CDKL3: variants seen among roughly 807,000 people sequenced by gnomAD.
CDKL3 encodes the protein cyclin dependent kinase like 3.
Under a neutral mutation model 69.3 loss-of-function variants are expected in CDKL3, and 65 were observed. That is an observed-to-expected ratio of 0.94 (90% CI 0.77 to 1.15). CDKL3 has a LOEUF of 1.15. CDKL3 is among the 50% of genes most tolerant of loss of function. The pLI, the probability that CDKL3 is intolerant of heterozygous loss-of-function variation, is 0.00. For synonymous variants in CDKL3, 202 were observed against 221.6 expected (o/e 0.91, Z 0.79); for missense variants, 652 against 689.2 (o/e 0.95, Z 0.61).
chr5:134,304,409 C>T lies in CDKL3; in HGVS notation c.1617G>A (p.Met539Ile). The change falls in exon 11 of 13, where the codon ATG (methionine) becomes ATA (isoleucine). Residue 539 changes from methionine (M) to isoleucine (I), a missense_variant. Coordinates refer to ENST00000265334, the MANE Select transcript of CDKL3 (RefSeq NM_001113575.2). The stretch of plus-strand genomic sequence containing the variant: ...AGCTATGCAACAAATGTGTACCTTC[C>T]ATTCCTTTTGTATCTTTTGACTGTA... Reference protein sequence around the residue: ...VTIQSKDTKGMEVKQIKMLKR... With the variant: ...VTIQSKDTKGIEVKQIKMLKR... The T allele has an allele frequency of 1.2e-6, 2 of 1,607,108 alleles. No individual in the cohort carries two copies.
chr5:134,299,447 C>A, intron 12 of CDKL3: 5 of 1,113,162 alleles, frequency 4.5e-6, no homozygotes, highest in Middle Eastern at 6.9e-4. Flanking sequence ...ATGTAAGCTG[C>A]AATTTTATTA....
downstream of CDKL3, among the ~76,000 whole-genome samples, chr5:134,283,879 C>T (rs1292493481): frequency 6.6e-6 from 1 of 152,120 alleles, no homozygotes; most frequent in African/African-American, 2.4e-5. Flanking sequence ...TAAATACAGC[C>T]ATTCTGAATG....
chr5:134,287,141 T>C (rs1764905407), intron 8 of CDKL3, among the ~76,000 whole-genome samples: 1 of 151,832 alleles, frequency 6.6e-6, no homozygotes. Context: ...TGATGACATG[T>C]GACAAAAAAG....
At chr5:134,351,046 A>T (rs1753180550) in intron 3 of CDKL3, among the ~76,000 whole-genome samples, 1 of 152,122 alleles carries the variant, frequency 6.6e-6, no homozygotes, top group Non-Finnish European at 1.5e-5. Context: ...ACATTGCATT[A>T]AACTTCTCTA....
At chr5:134,347,645 A>G (rs1023703955) in intron 4 of CDKL3, among the ~76,000 whole-genome samples, 2 of 149,640 alleles carry the variant, frequency 1.3e-5, no homozygotes, top group Non-Finnish European at 3.0e-5. Flanking sequence ...CGAGGCGAGC[A>G]GATCACTTGA....
intron 1 of CDKL3, 93 bp downstream of exon 1, chr5:134,366,884 G>T: frequency 1.0e-6 from 1 of 1,000,500 alleles, no homozygotes; most frequent in Non-Finnish European, 1.2e-6. Flanking sequence ...ATAGGTTCCC[G>T]CACTACTGCA....
chr5:134,350,831 G>GAAAAAAAAAAAAAGAAAAAAAA (rs1753091640), intron 3 of CDKL3, among the ~76,000 whole-genome samples: 1 of 82,404 alleles, frequency 1.2e-5, no homozygotes. Context: ...AGAAAAAAAA[G>GAAAAAAAAAAAAAGAAAAAAAA]AAAAAAAAAA....
rs555391118 is a variant in CDKL3, at chr5:134,305,522, G to T, written c.1459-955C>A. On this transcript the variant is annotated intron_variant, in intron 10 of 12. Transcript: ENST00000265334. ...TAACTTCTTTATCTACCTAGAAAAT[G>T]ATATGCTTTGTAAACACTGGGAAAA... Among the ~76,000 whole-genome samples, 8 of 152,238 alleles carry T rather than the reference G, an allele frequency of 5.3e-5. No individual in the cohort carries two copies. In the East Asian group the frequency reaches 1.5e-3, roughly 29 times the overall value.
At chr5:134,322,709 C>T (rs1773103754) in intron 4 of CDKL3, among the ~76,000 whole-genome samples, 3 of 152,112 alleles carry the variant, frequency 2.0e-5, no homozygotes, top group African/African-American at 7.2e-5. Flanking sequence ...TGGCTGGACA[C>T]TGTGGCTCAT....
chr5:134,303,676 C>CA (rs1200752694), intron 11 of CDKL3, among the ~76,000 whole-genome samples: 1 of 151,284 alleles, frequency 6.6e-6, no homozygotes, highest in Non-Finnish European at 1.5e-5. Flanking sequence ...GAACCCCCCC[C>CA]CCGTCTCTAC....
At chr5:134,343,202 C>CA (rs1260398112) in intron 4 of CDKL3, among the ~76,000 whole-genome samples, 1,509 of 81,260 alleles carry the variant, frequency 0.019, 18 homozygotes, top group African/African-American at 0.057. Context: ...GAGATCTTGT[C>CA]AAAAAAAAAA....
In CDKL3 at chr5:134,349,931, T is replaced by C. The variant is rs138067162; in HGVS notation, c.539+318A>G. On this transcript the variant is annotated intron_variant, in intron 4 of 12. Coordinates refer to ENST00000265334, the MANE Select transcript of CDKL3 (RefSeq NM_001113575.2). ...GGCTAGGCACACTGACTCACGCCTG[T>C]AATCCTAGCACTTTGGGAGGCCGAG... 1.1e-4 allele frequency among the ~76,000 whole-genome samples: 16 copies of C among 152,304 alleles called. No homozygotes were observed. In the East Asian group the frequency reaches 3.1e-3, roughly 29 times the overall value.
chr5:134,354,104 A>G (rs186179682), intron 3 of CDKL3, among the ~76,000 whole-genome samples: 2 of 152,304 alleles, frequency 1.3e-5, no homozygotes, highest in South Asian at 2.1e-4. Flanking sequence ...ATATGTTAGT[A>G]TTAGATGCTC....
At chr5:134,292,635 A>G (rs1239145108) in intron 8 of CDKL3, among the ~76,000 whole-genome samples, 1 of 152,026 alleles carries the variant, frequency 6.6e-6, no homozygotes, top group Non-Finnish European at 1.5e-5. Flanking sequence ...AAACAATAGA[A>G]ATAATAAAAC....
At chr5:134,318,252 AAAT>A in intron 6 of CDKL3, among the ~76,000 whole-genome samples, 1 of 151,666 alleles carries the variant, frequency 6.6e-6, no homozygotes, top group Non-Finnish European at 1.5e-5. Context: ...CAAAAATAAT[AAAT>A]AATAAATAAA....
intron 10 of CDKL3, 42 bp downstream of exon 10, chr5:134,306,567 G>A (rs775945416): frequency 8.8e-7 from 1 of 1,136,360 alleles, no homozygotes; most frequent in Non-Finnish European, 1.3e-6. Context: ...AAGAAGTAAT[G>A]TTAAAAGAGG....
chr5:134,312,058 A>G lies in CDKL3; in HGVS notation c.881+234T>C, dbSNP rs183207743. On this transcript the variant is annotated intron_variant, in intron 7 of 12. Coordinates refer to ENST00000265334, the MANE Select transcript of CDKL3 (RefSeq NM_001113575.2). Reference sequence around the variant, plus strand: ...CAATCTGCCTGCCTCAGCTTCGCAAAGTGCTGGGATTACAGGTGTGAGCCA... The same window carrying G: ...CAATCTGCCTGCCTCAGCTTCGCAAGGTGCTGGGATTACAGGTGTGAGCCA... 2.6e-5 allele frequency among the ~76,000 whole-genome samples: 4 copies of G among 152,302 alleles called. No individual in the cohort carries two copies. The East Asian group carries it at 7.7e-4, about 29-fold the overall frequency.
intron 6 of CDKL3, among the ~76,000 whole-genome samples, chr5:134,314,037 C>T (rs1001704774): frequency 1.6e-4 from 25 of 151,990 alleles, no homozygotes; most frequent in East Asian, 7.7e-4. Flanking sequence ...CCCAGCCACT[C>T]GGAGGCTAAG....
upstream of CDKL3, among the ~76,000 whole-genome samples, chr5:134,367,848 C>T (rs938090321): frequency 9.9e-5 from 15 of 152,098 alleles, no homozygotes; most frequent in Admixed American, 6.5e-5. Context: ...TACAAGAGCA[C>T]GGAAATAAAG....
Sources: allele counts gnomAD v4.1 joint callset (sites outside exome capture counted in the v4.1 genomes callset), GRCh38; gene constraint gnomAD v4.1.1; transcripts MANE v1.5; gene names NCBI Gene and HGNC (gene_info 2026-07-23, HGNC 2026-07-21).